Variants in TTC21B observed in about 807,000 individuals in gnomAD.
The protein encoded by TTC21B is tetratricopeptide repeat domain 21B, also known as tetratricopeptide repeat protein 21B.
A neutral mutation model predicts 175.1 loss-of-function variants in TTC21B; 127 were observed. The observed-to-expected ratio is 0.73, with a 90% CI of 0.63 to 0.84. TTC21B has a LOEUF of 0.84. Among genes scored for constraint, TTC21B ranks in the 40% least tolerant of loss-of-function variants. The pLI, the probability that TTC21B is intolerant of heterozygous loss-of-function variation, is 0.00. For missense variants in TTC21B, 1,561 were observed against 1,558.3 expected (o/e 1.00, Z -0.03); for synonymous variants, 524 against 524.5 (o/e 1.00, Z 0.01).
At chr2:165,891,338 G>A (rs1685185287) in intron 22 of TTC21B, among the ~76,000 whole-genome samples, 1 of 152,106 alleles carries the variant, frequency 6.6e-6, no homozygotes, top group Admixed American at 6.6e-5. Context: ...CGATTTAATT[G>A]CACAGGACAA....
At chr2:165,898,651 A>G (rs1362973228) in intron 22 of TTC21B, 35 bp downstream of exon 22, 1 of 1,359,704 alleles carries the variant, frequency 7.4e-7, no homozygotes, top group Admixed American at 1.7e-5. Context: ...GGGAGGGGTG[A>G]CTGCACTCAA....
At chr2:165,911,178 G>C in intron 18 of TTC21B, 149 bp downstream of exon 18, 1 of 889,646 alleles carries the variant, frequency 1.1e-6, no homozygotes, top group South Asian at 1.5e-5. Context: ...TTTTAGTAGA[G>C]TGGCATTCTG....
intron 5 of TTC21B, among the ~76,000 whole-genome samples, chr2:165,942,568 C>T (rs1244865073): frequency 6.6e-6 from 1 of 152,148 alleles, no homozygotes; most frequent in East Asian, 1.9e-4. Flanking sequence ...TTCCTCAGGC[C>T]TTCACTTCTG....
At chr2:165,884,673 T>C (rs1202825243) in intron 25 of TTC21B, among the ~76,000 whole-genome samples, 1 of 152,256 alleles carries the variant, frequency 6.6e-6, no homozygotes, top group Non-Finnish European at 1.5e-5. Flanking sequence ...AAACAATCTA[T>C]ATGATATTCT....
intron 20 of TTC21B, among the ~76,000 whole-genome samples, chr2:165,900,895 TTTTC>T (rs950945719): frequency 1.9e-3 from 284 of 151,464 alleles, no homozygotes; most frequent in African/African-American, 6.5e-3. Context: ...TAATGTTCTT[TTTTC>T]TTTTCTTTTT....
chr2:165,953,604 C>T (rs1240247745), intron 1 of TTC21B, 81 bp downstream of exon 1: 19 of 1,534,808 alleles, frequency 1.2e-5, no homozygotes, highest in Non-Finnish European at 1.6e-5. Flanking sequence ...ACCCGAGCTC[C>T]CTCCGCGCCC....
intron 18 of TTC21B, 115 bp from the exon 19 acceptor site, chr2:165,907,899 A>G: frequency 1.4e-6 from 1 of 709,904 alleles, no homozygotes; most frequent in Non-Finnish European, 2.3e-6. Context: ...AATAGTGAAT[A>G]CGGTTAAAAT....
intron 18 of TTC21B, among the ~76,000 whole-genome samples, chr2:165,908,205 G>T (rs1225659261): frequency 6.6e-6 from 1 of 152,104 alleles, no homozygotes; most frequent in African/African-American, 2.4e-5. Context: ...CAGTTGTTAA[G>T]AGCACTGACT....
intron 27 of TTC21B, among the ~76,000 whole-genome samples, chr2:165,876,725 A>T (rs1178785030): frequency 6.6e-6 from 1 of 152,238 alleles, no homozygotes. Flanking sequence ...GATAAATGTT[A>T]TGAAAGAAAG....
chr2:165,928,068 A>G (rs1686741941), intron 11 of TTC21B, among the ~76,000 whole-genome samples: 1 of 152,216 alleles, frequency 6.6e-6, no homozygotes, highest in South Asian at 2.1e-4. Flanking sequence ...AATCTCTGGT[A>G]GTACAACATA....
At chr2:165,925,086 C>T (rs766966925) in intron 11 of TTC21B, among the ~76,000 whole-genome samples, 1 of 152,174 alleles carries the variant, frequency 6.6e-6, no homozygotes, top group Admixed American at 6.5e-5. Context: ...TTGTGATTTG[C>T]TCAATTCAAT....
chr2:165,941,739 G>A (rs1485486677), intron 5 of TTC21B, among the ~76,000 whole-genome samples: 1 of 151,954 alleles, frequency 6.6e-6, no homozygotes, highest in Non-Finnish European at 1.5e-5. Context: ...AATTGTTTAT[G>A]TATAAAATAA....
rs1553511392 is a variant in TTC21B, at chr2:165,914,682, T to TGTGTGTGTGTGTGTGCGCGCGCGCGC, written c.2138+518_2138+519insGCGCGCGCGCGCACACACACACACAC. Among the ~76,000 whole-genome samples the TGTGTGTGTGTGTGTGCGCGCGCGCGC allele has an allele frequency of 2.4e-4, 36 of 149,842 alleles. 1 individual carries two copies. Among genetic ancestry groups the TGTGTGTGTGTGTGTGCGCGCGCGCGC allele is most frequent in the African/African-American group, 8.7e-4 (35 of 40,072 alleles). The stretch of plus-strand genomic sequence containing the variant: ...CTGTGTGTGTGTGTGTGTGTGTGTG[T>TGTGTGTGTGTGTGTGCGCGCGCGCGC]GTGTGTGTGTGTGTGTTGTGTATCC... On this transcript the variant is annotated intron_variant, in intron 15 of 28. Transcript: ENST00000243344.
At chr2:165,915,472 C>A in intron 14 of TTC21B, 33 bp from the exon 15 acceptor site, 1 of 1,506,104 alleles carries the variant, frequency 6.6e-7, no homozygotes, top group Non-Finnish European at 9.2e-7. Flanking sequence ...ATCATTCTTC[C>A]AAAATAGTGA....
At chr2:165,916,346 T>C (rs185021732) in intron 14 of TTC21B, among the ~76,000 whole-genome samples, 1 of 152,338 alleles carries the variant, frequency 6.6e-6, no homozygotes, top group Non-Finnish European at 1.5e-5. Context: ...CATTAAAATA[T>C]GAAAAATAAG....
At chr2:165,880,531 A>G (rs1684803083) in intron 27 of TTC21B, 148 bp downstream of exon 27, 1 of 854,190 alleles carries the variant, frequency 1.2e-6, no homozygotes. Flanking sequence ...TATTATGAAT[A>G]TAAAATTTAT....
intron 9 of TTC21B, 142 bp downstream of exon 9, chr2:165,930,030 C>A: frequency 1.5e-6 from 1 of 662,536 alleles, no homozygotes; most frequent in Non-Finnish European, 2.5e-6. Context: ...ATTTTAAAGA[C>A]ATGACTTTTT....
intron 1 of TTC21B, among the ~76,000 whole-genome samples, chr2:165,952,324 C>T (rs1424088707): frequency 1.3e-5 from 2 of 151,674 alleles, no homozygotes; most frequent in African/African-American, 2.4e-5. Flanking sequence ...TATTGAAACA[C>T]AGCCATGCTC....
chr2:165,946,703 G>A (rs1420052548), intron 3 of TTC21B, among the ~76,000 whole-genome samples: 4 of 151,942 alleles, frequency 2.6e-5, no homozygotes, highest in African/African-American at 9.7e-5. Flanking sequence ...TGGGCGTGGT[G>A]GTGGGTGCCT....
Sources: allele counts gnomAD v4.1 joint callset (sites outside exome capture counted in the v4.1 genomes callset), GRCh38; gene constraint gnomAD v4.1.1; transcripts MANE v1.5; gene names NCBI Gene and HGNC (gene_info 2026-07-23, HGNC 2026-07-21).